The following SAMD12 variants were observed in gnomAD, a reference collection of about 807,000 sequenced individuals.
SAMD12 encodes sterile alpha motif domain containing 12, also known as sterile alpha motif domain-containing protein 12.
A neutral mutation model predicts 15.0 loss-of-function variants in SAMD12; 9 were observed. The ratio of observed to expected loss-of-function variants is 0.60; its 90% CI spans 0.36 to 1.05. The LOEUF (loss-of-function observed/expected upper bound fraction) is 1.05, where lower values mean the gene tolerates loss of function less well. Ranked by LOEUF, SAMD12 falls within the 50% of genes least tolerant of loss-of-function variation. The pLI is 0.01. For synonymous variants in SAMD12, 86 were observed against 90.1 expected, an observed-to-expected ratio of 0.96 and a Z score of 0.25; for missense variants, 230 against 234.2, an observed-to-expected ratio of 0.98 and a Z score of 0.12.
chr8:118,240,563 C>A (rs2129965752), intron 4 of SAMD12, among the ~76,000 whole-genome samples: 1 of 152,168 alleles, frequency 6.6e-6, no homozygotes, highest in African/African-American at 2.4e-5. Context: ...GGTATTTGTA[C>A]CCTAGGGTTT....
At chr8:118,603,396 T>C (rs1252610047) in intron 1 of SAMD12, among the ~76,000 whole-genome samples, 1 of 152,128 alleles carries the variant, frequency 6.6e-6, no homozygotes, top group Non-Finnish European at 1.5e-5. Context: ...GTATGTTTTA[T>C]ACAAAGGAGA....
At chr8:118,144,737 T>A in the SAMD12 span, among the ~76,000 whole-genome samples, 1 of 152,126 alleles carries the variant, frequency 6.6e-6, no homozygotes, top group Non-Finnish European at 1.5e-5. Context: ...AGAAAATATC[T>A]CTAACTCTCA....
rs1182093131 is a variant in SAMD12, at chr8:118,287,118, G to T, written c.434-89386C>A. 2.9e-5 allele frequency among the ~76,000 whole-genome samples: 4 copies of T among 139,124 alleles called. No homozygotes were observed. The East Asian group carries it at 7.6e-4, about 27-fold the overall frequency. 91.3% of individuals were successfully genotyped at this position (139,124 alleles called of 152,430 possible). A position where few individuals can be genotyped will look rare whatever the true frequency, so the allele number is the denominator to read the frequency against. ...TAGAAACAAGAAACTGAGTAAGGAA[G>T]AATATTTTTTTTTTTTTTTTTTTTG... is the stretch of plus-strand genomic sequence containing the variant. On this transcript the variant is annotated intron_variant, in intron 4 of 4. Coordinates refer to the SAMD12 transcript ENST00000409003.
chr8:118,300,615 T>C (rs1474128001), intron 4 of SAMD12, among the ~76,000 whole-genome samples: 1 of 152,184 alleles, frequency 6.6e-6, no homozygotes, highest in African/African-American at 2.4e-5. Flanking sequence ...TACTGGATCT[T>C]GTTAGAAATA....
chr8:118,429,290 T>C (rs1436712227), intron 3 of SAMD12, among the ~76,000 whole-genome samples: 1 of 152,180 alleles, frequency 6.6e-6, no homozygotes, highest in Non-Finnish European at 1.5e-5. Flanking sequence ...AATCCAAAAC[T>C]TTTTGAACAC....
At chr8:118,168,268 G>A in the SAMD12 span, among the ~76,000 whole-genome samples, 1 of 152,094 alleles carries the variant, frequency 6.6e-6, no homozygotes, top group Non-Finnish European at 1.5e-5. Flanking sequence ...GCCAAAGGAG[G>A]GACCATTGGA....
rs760495366 is a variant in SAMD12 at position 118,329,080 on chromosome 8, A to C, written c.433+50480T>G. ...ACGTCACCTCCTAAGAGTGCAGCAC[A>C]GTTGTTTGCTAAAGATTAAGAGGAA... On this transcript the variant is annotated intron_variant, in intron 4 of 4. Coordinates refer to the SAMD12 transcript ENST00000409003. Among the ~76,000 whole-genome samples the C allele has an allele frequency of 1.2e-4, 18 of 152,334 alleles. No homozygotes were observed. The Middle Eastern group carries it at 0.014, about 115-fold the overall frequency.
chr8:118,210,556 A>G (rs914249848), intron 4 of SAMD12, among the ~76,000 whole-genome samples: 8 of 152,200 alleles, frequency 5.3e-5, no homozygotes, highest in African/African-American at 1.9e-4. Context: ...TGCAGCTTGG[A>G]GAGGGATTCT....
At chr8:118,147,907 T>C in the SAMD12 span, among the ~76,000 whole-genome samples, 1 of 148,678 alleles carries the variant, frequency 6.7e-6, no homozygotes, top group Non-Finnish European at 1.5e-5. Context: ...CTGAATTTTT[T>C]TTTTCTGTGT....
chr8:118,590,474 C>T (rs1221875597), intron 1 of SAMD12, among the ~76,000 whole-genome samples: 1 of 152,204 alleles, frequency 6.6e-6, no homozygotes, highest in African/African-American at 2.4e-5. Context: ...GAGAGGTGAG[C>T]CTTCCTTCCT....
chr8:118,219,458 C>T lies in SAMD12; in HGVS notation c.434-21726G>A, dbSNP rs187603812. Among the ~76,000 whole-genome samples the T allele has an allele frequency of 3.1e-3, 478 of 152,278 alleles. 1 individual carries two copies. The highest frequency in any genetic ancestry group is 0.012 in the South Asian group (60 of 4,824). ...AAATTGAACATATGAGGTAATTTTACGAACACCCTTGGGTGGATTAAAGGT... is the reference window on the plus strand; with the variant it reads ...AAATTGAACATATGAGGTAATTTTATGAACACCCTTGGGTGGATTAAAGGT... On this transcript the variant is annotated intron_variant, in intron 4 of 4. Transcript: ENST00000409003.
chr8:118,154,144 G>GCACACACACACACA, the SAMD12 span, among the ~76,000 whole-genome samples: 2 of 149,714 alleles, frequency 1.3e-5, no homozygotes, highest in Non-Finnish European at 1.5e-5. Context: ...ACACACAAGT[G>GCACACACACACACA]CACACACACA....
intron 2 of SAMD12, among the ~76,000 whole-genome samples, chr8:118,550,966 C>G (rs1321541999): frequency 6.6e-6 from 1 of 151,310 alleles, no homozygotes; most frequent in Non-Finnish European, 1.5e-5. Flanking sequence ...ATCAATTCAA[C>G]AAGAAGAGCT....
the SAMD12 span, among the ~76,000 whole-genome samples, chr8:118,140,238 C>T: frequency 2.0e-5 from 3 of 151,950 alleles, no homozygotes. Context: ...CATTCTTTCA[C>T]CTCAATATAA....
At chr8:118,453,752 C>G (rs1342862686) in intron 2 of SAMD12, among the ~76,000 whole-genome samples, 1 of 152,136 alleles carries the variant, frequency 6.6e-6, no homozygotes, top group Non-Finnish European at 1.5e-5. Flanking sequence ...AACTCTTGGG[C>G]TCAAACCATT....
At chr8:118,423,725 G>A (rs1402196538) in intron 3 of SAMD12, among the ~76,000 whole-genome samples, 3 of 151,882 alleles carry the variant, frequency 2.0e-5, no homozygotes, top group Non-Finnish European at 4.4e-5. Context: ...GCCACCTCTG[G>A]GCTTGTATAA....
the SAMD12 span, among the ~76,000 whole-genome samples, chr8:118,153,358 A>T: frequency 1.2e-5 from 1 of 83,658 alleles, no homozygotes; most frequent in African/African-American, 3.9e-5. Flanking sequence ...CCCTTTGCTC[A>T]TGTCAAACCT....
chr8:118,530,680 G>A (rs1322960876), intron 2 of SAMD12, among the ~76,000 whole-genome samples: 1 of 152,026 alleles, frequency 6.6e-6, no homozygotes. Flanking sequence ...TATTTCTTTT[G>A]CTGTGCAGAA....
chr8:118,593,132 G>A (rs572524999), intron 1 of SAMD12, among the ~76,000 whole-genome samples: 1 of 152,206 alleles, frequency 6.6e-6, no homozygotes, highest in Admixed American at 6.5e-5. Context: ...ATATGCATGT[G>A]TATATGTGCA....
Sources: gnomAD v4.1 joint callset for allele counts (sites outside exome capture counted in the v4.1 genomes callset) on GRCh38, gnomAD v4.1.1 for gene constraint, MANE v1.5 for transcripts, NCBI Gene and HGNC (gene_info 2026-07-23, HGNC 2026-07-21) for gene names.